Variants in ERFL observed in about 807,000 individuals in gnomAD.
ERFL encodes ETS domain-containing transcription factor ERF-like.
A neutral mutation model predicts 27.9 loss-of-function variants in ERFL; 8 were observed. That is an observed-to-expected ratio of 0.29 (90% confidence interval 0.17 to 0.52). ERFL has a LOEUF of 0.52. Ranked by LOEUF, ERFL falls within the 20% of genes least tolerant of loss-of-function variation. The pLI is 0.97. For missense variants in ERFL, 294 were observed against 444.4 expected, an observed-to-expected ratio of 0.66 and a Z score of 3.04; for synonymous variants, 174 against 202.8, an observed-to-expected ratio of 0.86 and a Z score of 1.21.
chr19:41,911,570 C>T (rs1222084040), intron 2 of ERFL, among the ~76,000 whole-genome samples: 1 of 151,582 alleles, frequency 6.6e-6, no homozygotes, highest in African/African-American at 2.4e-5. Flanking sequence ...GCCTCCCGGC[C>T]TGAAGGCCGG....
chr19:41,918,995 A>G (rs112073379), intron 1 of ERFL, among the ~76,000 whole-genome samples: 124 of 150,868 alleles, frequency 8.2e-4, no homozygotes, highest in African/African-American at 2.9e-3. Context: ...CCGCATATAC[A>G]CCACACACAT....
intron 2 of ERFL, among the ~76,000 whole-genome samples, chr19:41,911,296 A>C (rs1599671664): frequency 6.6e-6 from 1 of 152,186 alleles, no homozygotes; most frequent in Non-Finnish European, 1.5e-5. Flanking sequence ...CTTATGCCAC[A>C]TCCTCTGTCC....
chr19:41,908,468 C>T lies in ERFL; in HGVS notation c.825G>A (p.Thr275=), dbSNP rs782050014. The T allele has an allele frequency of 3.8e-4, 474 of 1,231,378 alleles. 1 individual carries two copies. Among genetic ancestry groups the T allele is most frequent in the Non-Finnish European group, 4.7e-4 (462 of 987,736 alleles). The allele number at this position is 1,231,378 out of a possible 1,614,324, so 76.3% of individuals were successfully genotyped here. A position where few individuals can be genotyped will look rare whatever the true frequency, so the allele number is the denominator to read the frequency against. ...CCTCCCCTGTCGAGGCCAGCAGGGG[C>T]GTGGCTGTGGGGCCTCCCCCTGCCC... The part of the protein sequence containing the change: ...SSGAGGGPTA[T]PLLASTGEGL... Residue 275 remains threonine (T), a synonymous_variant, in exon 6 of 6, where the codon ACG becomes ACA. Transcript: ENST00000597630. This position sits in a 1 kb window ranked among gnomAD's most constrained non-coding sequence, Gnocchi z 6.7.
chr19:41,922,854 C>T (rs1201468570), intron 1 of ERFL, among the ~76,000 whole-genome samples: 2 of 152,230 alleles, frequency 1.3e-5, no homozygotes, highest in East Asian at 1.9e-4. Context: ...GCACTGCCGC[C>T]GAGGCGGATC....
intron 1 of ERFL, among the ~76,000 whole-genome samples, chr19:41,918,485 C>T (rs2074816574): frequency 6.7e-6 from 1 of 150,024 alleles, no homozygotes; most frequent in South Asian, 2.1e-4. Context: ...GCACCACGCA[C>T]ACCACACACA....
chr19:41,927,186 G>A (rs1401605934), intron 1 of ERFL, among the ~76,000 whole-genome samples: 1 of 152,084 alleles, frequency 6.6e-6, no homozygotes, highest in Non-Finnish European at 1.5e-5. Flanking sequence ...AGTGAGGAGA[G>A]ACCCAGCCAG....
intron 1 of ERFL, among the ~76,000 whole-genome samples, chr19:41,914,831 T>C (rs1200876888): frequency 1.6e-4 from 2 of 12,176 alleles, no homozygotes; most frequent in Non-Finnish European, 2.9e-4. Context: ...TCTCCCCCCC[T>C]TTCCACCGTC....
chr19:41,914,104 T>G (rs953243496), intron 1 of ERFL, among the ~76,000 whole-genome samples: 8 of 149,610 alleles, frequency 5.3e-5, no homozygotes, highest in Non-Finnish European at 1.2e-4. Context: ...ACAAAACTTT[T>G]CAGACACCCC....
chr19:41,910,539 C>T lies in ERFL; in HGVS notation c.68-442G>A, dbSNP rs2074746007. 6.6e-6 allele frequency among the ~76,000 whole-genome samples: 1 copy of T among 152,146 alleles called. No homozygotes were observed. The highest frequency in any genetic ancestry group is 1.5e-5 in the Non-Finnish European group (1 of 68,032). On this transcript the variant is annotated intron_variant, in intron 2 of 5. Transcript: ENST00000597630. The surrounding 1 kb of genome is among the most constrained non-coding windows in gnomAD (Gnocchi z 4.4). ...GCTCTTACTGTCTCTGTTCCCCATTCCCTGTCCCCTGCTCCACCTTTCGAC... is the reference window on the plus strand; with the variant it reads ...GCTCTTACTGTCTCTGTTCCCCATTTCCTGTCCCCTGCTCCACCTTTCGAC...
intron 1 of ERFL, 79 bp from the exon 2 acceptor site, chr19:41,913,011 G>T: frequency 1.7e-6 from 1 of 591,936 alleles, no homozygotes; most frequent in Non-Finnish European, 2.5e-6. Context: ...GGCGCTGCCC[G>T]GGGCCTTCCC....
chr19:41,912,810 CTGAGGGGTGGGG>C, intron 2 of ERFL, 31 bp downstream of exon 2: 1 of 499,976 alleles, frequency 2.0e-6, no homozygotes, highest in Non-Finnish European at 2.5e-6. Context: ...CTGGGGAAGC[CTGAGGGGTGGGG>C]GAAGGGGTGG....
intron 1 of ERFL, among the ~76,000 whole-genome samples, chr19:41,922,550 G>A (rs2074848442): frequency 6.6e-6 from 1 of 152,150 alleles, no homozygotes; most frequent in Non-Finnish European, 1.5e-5. Flanking sequence ...TGGGGTCAAA[G>A]ACCCAGGAGG....
rs1555851046 is a variant in ERFL at position 41,909,118 on chromosome 19, CAG to C, written c.556_557del (p.Leu186ValfsTer7). On this transcript the variant is annotated frameshift_variant, in exon 5 of 6. Transcript: ENST00000597630. LOFTEE classifies it high-confidence loss of function. The surrounding 1 kb of genome is among the most constrained non-coding windows in gnomAD (Gnocchi z 5.2). ...RLGEPGARTP[L>X]FTSETDKLRL... ...GCAATTTATCTGTCTCGGAGGTGAA[CAG>C]GGGTGTCCGGGCCCCTGGCTCTCCC... 1 of 1,231,812 alleles carries C rather than the reference CAG, an allele frequency of 8.1e-7. No homozygotes were observed. Among genetic ancestry groups the C allele is most frequent in the African/African-American group, 1.6e-5 (1 of 64,394 alleles). 76.3% of individuals were successfully genotyped at this position (1,231,812 alleles called of 1,614,324 possible).
chr19:41,910,174 C>A lies in ERFL; in HGVS notation c.68-77G>T. On this transcript the variant is annotated intron_variant, in intron 2 of 5. Transcript: ENST00000597630. The surrounding 1 kb of genome is among the most constrained non-coding windows in gnomAD (Gnocchi z 4.4). ...CTCTGGGTCCTGCTGGACTCAGTAA[C>A]CTGGGAGGCATGTAGTTCTCCTCCA... 1 of 1,395,750 alleles carries A rather than the reference C, an allele frequency of 7.2e-7. No homozygotes were observed. The highest frequency in any genetic ancestry group is 1.4e-5 in the South Asian group (1 of 72,946). 86.5% of individuals were successfully genotyped at this position (1,395,750 alleles called of 1,614,324 possible).
intron 1 of ERFL, among the ~76,000 whole-genome samples, chr19:41,914,550 C>T (rs1403664583): frequency 1.6e-5 from 2 of 128,042 alleles, no homozygotes; most frequent in Non-Finnish European, 3.5e-5. Context: ...CCGTCTTTCC[C>T]TCCCCTTCCA....
chr19:41,913,120 C>T (rs1399420826), intron 1 of ERFL, among the ~76,000 whole-genome samples, 188 bp from the exon 2 acceptor site: 1 of 152,058 alleles, frequency 6.6e-6, no homozygotes, highest in Non-Finnish European at 1.5e-5. Context: ...CGTTCCCGGC[C>T]CCGAGACCCC....
chr19:41,912,423 G>C (rs2074758339), intron 2 of ERFL, among the ~76,000 whole-genome samples: 1 of 152,190 alleles, frequency 6.6e-6, no homozygotes, highest in Non-Finnish European at 1.5e-5. Flanking sequence ...GGTCTGGCCG[G>C]GTCGTGCCTG....
chr19:41,926,216 G>T (rs144435988), intron 1 of ERFL, among the ~76,000 whole-genome samples: 111 of 151,648 alleles, frequency 7.3e-4, no homozygotes, highest in African/African-American at 2.3e-3. Context: ...AAGAGGGGAC[G>T]TATGCTCCCC....
intron 1 of ERFL, among the ~76,000 whole-genome samples, chr19:41,915,944 C>G (rs545199217): frequency 4.9e-4 from 74 of 152,250 alleles, no homozygotes; most frequent in African/African-American, 1.1e-3. Context: ...CCCCCTCCCC[C>G]CCGCCGGCCG....
Sources: allele counts gnomAD v4.1 joint callset (sites outside exome capture counted in the v4.1 genomes callset), GRCh38; gene constraint gnomAD v4.1.1; non-coding constraint Gnocchi (gnomAD v3.1); transcripts MANE v1.5; gene names NCBI Gene and HGNC (gene_info 2026-07-23, HGNC 2026-07-21).